The following FKBP15 variants were observed in gnomAD, a reference collection of about 807,000 sequenced individuals.
FKBP15 encodes the protein FK506-binding protein 15.
Under a neutral mutation model 158.1 loss-of-function variants are expected in FKBP15, and 106 were observed. That is an observed-to-expected ratio of 0.67 (90% CI 0.57 to 0.79). The LOEUF (loss-of-function observed/expected upper bound fraction) is 0.79, where lower values mean the gene tolerates loss of function less well. FKBP15 is among the 30% of genes least tolerant of loss of function. FKBP15 has a pLI of 0.00. For missense variants in FKBP15, 1,287 were observed against 1,479.1 expected, an observed-to-expected ratio of 0.87 and a Z score of 2.13; for synonymous variants, 547 against 548.6, an observed-to-expected ratio of 1.00 and a Z score of 0.04.
Position 113,199,671 on chromosome 9 carries a change from A to T in FKBP15, c.648+143T>A, listed in dbSNP as rs541746884. On this transcript the variant is annotated intron_variant, in intron 7 of 27. Transcript: ENST00000238256. ...CATTCACATTTCATAATATGCCCCC[A>T]AAGCAATTGCAGTGTCTAAAGTGGG... 6 of 810,998 alleles carry T rather than the reference A, an allele frequency of 7.4e-6. No homozygotes were observed. The East Asian group carries it at 1.7e-4, about 23-fold the overall frequency. 50.2% of individuals were successfully genotyped at this position (810,998 alleles called of 1,614,324 possible).
rs1179110695 is a variant in FKBP15 at position 113,173,692 on chromosome 9, G to T, written c.2380-87C>A. On this transcript the variant is annotated intron_variant, in intron 22 of 27. Transcript: ENST00000238256. ...CCTAGGGAAACCCATCTTTCAAAAA[G>T]CAAAAGAATAAGCTAACAGCCCAGA... 6 of 1,409,810 alleles carry T rather than the reference G, an allele frequency of 4.3e-6. No homozygotes were observed. The Admixed American group carries it at 1.2e-4, about 28-fold the overall frequency. The allele number at this position is 1,409,810 out of a possible 1,614,324, so 87.3% of individuals were successfully genotyped here.
At position 113,206,749 on chromosome 9, in the gene FKBP15, G is replaced by A. The variant is rs941369318; in HGVS notation, c.255-171C>T. On this transcript the variant is annotated intron_variant, in intron 3 of 27. Coordinates refer to ENST00000238256, the MANE Select transcript of FKBP15 (RefSeq NM_015258.2). Reference sequence around the variant, plus strand: ...TTTTTTTTTTTTGAGACAGAGTCTCGCTCTGTCACCAGGCTGGAGTGCAGT... The same window carrying A: ...TTTTTTTTTTTTGAGACAGAGTCTCACTCTGTCACCAGGCTGGAGTGCAGT... Among the ~76,000 whole-genome samples, 8 of 121,328 alleles carry A rather than the reference G, an allele frequency of 6.6e-5. No homozygotes were observed. The East Asian group carries it at 1.6e-3, about 24-fold the overall frequency. The allele number at this position is 121,328 out of a possible 152,430, so 79.6% of individuals were successfully genotyped here. A position where few individuals can be genotyped will look rare whatever the true frequency, so the allele number is the denominator to read the frequency against.
At chr9:113,173,658 T>C in intron 22 of FKBP15, 53 bp from the exon 23 acceptor site, 1 of 1,572,286 alleles carries the variant, frequency 6.4e-7, no homozygotes, top group Admixed American at 1.7e-5. Context: ...GGAGTGAGAT[T>C]CCATTGCACC....
chr9:113,187,874 G>C lies in FKBP15; in HGVS notation c.1302C>G (p.Leu434=). Residue 434 remains leucine (L), a synonymous_variant, in exon 14 of 28, where the codon CTC becomes CTG. Coordinates refer to ENST00000238256, the MANE Select transcript of FKBP15 (RefSeq NM_015258.2). ...GCATTAAGGCAGCAGAAGGTGCCTG[G>C]AGCCCAGTAACAGATGGCTGAGGTG... ...SQAPQPSVTG[L]QAPSAALMQV... is the part of the protein sequence containing the mutation. 1.2e-6 allele frequency: 2 copies of C among 1,613,848 alleles called. No homozygotes were observed. The highest frequency in any genetic ancestry group is 1.6e-4 in the Middle Eastern group (1 of 6,062).
chr9:113,187,869 G>T lies in FKBP15; in HGVS notation c.1307C>A (p.Ala436Glu), dbSNP rs377178302. 13 of 1,613,920 alleles carry T rather than the reference G, an allele frequency of 8.1e-6. No individual in the cohort carries two copies. The highest frequency in any genetic ancestry group is 1.1e-5 in the Non-Finnish European group (13 of 1,179,840). Residue 436 changes from alanine to glutamate, a missense_variant, in exon 14 of 28, where the codon GCA (alanine) becomes GAA (glutamate). Physicochemically the swap from Ala to Glu is moderately radical, Grantham distance 107. Transcript: ENST00000238256. ...APQPSVTGLQ[A>E]PSAALMQVSS... ...CACTTGCATTAAGGCAGCAGAAGGT[G>T]CCTGGAGCCCAGTAACAGATGGCTG... is the stretch of plus-strand genomic sequence containing the variant.
chr9:113,174,450 G>T lies in FKBP15; in HGVS notation c.2357C>A (p.Thr786Lys). 8.7e-6 allele frequency: 14 copies of T among 1,613,924 alleles called. No individual in the cohort carries two copies. Among genetic ancestry groups the T allele is most frequent in the Non-Finnish European group, 1.2e-5 (14 of 1,179,854 alleles). The change falls in exon 22 of 28, where the codon ACA becomes AAA. Residue 786 changes from threonine to lysine, a missense_variant. Transcript: ENST00000238256. Reference sequence around the variant, plus strand: ...TACCTGCTCTGCAGCTGCTTGGTCTGTGGACACTCGAGTCTTTTTCAAGAG... The same window carrying T: ...TACCTGCTCTGCAGCTGCTTGGTCTTTGGACACTCGAGTCTTTTTCAAGAG... ...RQLLKKTRVS[T>K]DQAAAEQLSL... is the part of the protein sequence containing the mutation.
intron 6 of FKBP15, among the ~76,000 whole-genome samples, chr9:113,200,537 T>C (rs1830769516): frequency 6.6e-6 from 1 of 152,154 alleles, no homozygotes; most frequent in African/African-American, 2.4e-5. Flanking sequence ...TTAGCACAAA[T>C]CTTAGACAAA....
intron 2 of FKBP15, among the ~76,000 whole-genome samples, chr9:113,211,210 C>T (rs1355567163): frequency 1.3e-5 from 2 of 151,938 alleles, no homozygotes; most frequent in Admixed American, 1.3e-4. Flanking sequence ...CGCTCTGTTG[C>T]CCAGGCTGGA....
chr9:113,194,169 C>T lies in FKBP15; in HGVS notation c.865G>A (p.Val289Met). Residue 289 changes from valine (V) to methionine (M), a missense_variant and splice_region_variant, in exon 10 of 28, where the codon GTG becomes ATG. Val to Met is a conservative substitution (Grantham distance 21, BLOSUM62 1). Coordinates refer to ENST00000238256, the MANE Select transcript of FKBP15 (RefSeq NM_015258.2). ...ILVFEVEVRR[V>M]KFARDSGSDG... ...GAGCCAGAATCTCTGGCAAACTTCA[C>T]CTAAGGAAACACCGCATATTCTCAC... is the stretch of plus-strand genomic sequence containing the variant. 3.1e-6 allele frequency: 5 copies of T among 1,604,098 alleles called. No individual in the cohort carries two copies. The highest frequency in any genetic ancestry group is 4.3e-6 in the Non-Finnish European group (5 of 1,174,386).
Position 113,201,449 on chromosome 9 carries a change from G to C in FKBP15, c.498+1082C>G, listed in dbSNP as rs542732232. ...AACAAATGTTATGGGCTGAATGTTT[G>C]TGTCCCCTCCGAATACTTACACTGA... On this transcript the variant is annotated intron_variant, in intron 6 of 27. Transcript: ENST00000238256. Among the ~76,000 whole-genome samples, 20 of 152,336 alleles carry C rather than the reference G, an allele frequency of 1.3e-4. No individual in the cohort carries two copies. The South Asian group carries it at 4.1e-3, about 32-fold the overall frequency.
rs1830029984 is a variant in FKBP15 at position 113,162,505 on chromosome 9, G to T, written c.*3573C>A. The T allele has an allele frequency of 1.1e-5, 4 of 369,706 alleles. No individual in the cohort carries two copies. The highest frequency in any genetic ancestry group is 2.2e-5 in the African/African-American group (1 of 45,670). 22.9% of individuals were successfully genotyped at this position (369,706 alleles called of 1,614,324 possible). On this transcript the variant is annotated 3_prime_UTR_variant, in exon 28 of 28. Transcript: ENST00000238256. ...TATAGATACCCTCATTTTCCCCTTT[G>T]CCTAGGATGCCAGGAAGCTTGAAAC...
intron 1 of FKBP15, among the ~76,000 whole-genome samples, chr9:113,220,107 G>C (rs1308384760): frequency 6.6e-6 from 1 of 152,192 alleles, no homozygotes; most frequent in African/African-American, 2.4e-5. Flanking sequence ...AGGCAGAACT[G>C]AGTATTTGTG....
chr9:113,218,375 AATT>A (rs1199840493), intron 1 of FKBP15, among the ~76,000 whole-genome samples: 1 of 78,972 alleles, frequency 1.3e-5, no homozygotes, highest in Non-Finnish European at 2.5e-5. Flanking sequence ...GAGTAAATAC[AATT>A]ATATATATAT....
chr9:113,170,164 T>C (rs916577294), intron 25 of FKBP15, among the ~76,000 whole-genome samples: 17 of 152,064 alleles, frequency 1.1e-4, no homozygotes, highest in African/African-American at 4.1e-4. Flanking sequence ...TGCTCTGTTA[T>C]CCAGGCTGGA....
intron 9 of FKBP15, 98 bp from the exon 10 acceptor site, chr9:113,194,267 CGGGT>C: frequency 1.3e-6 from 1 of 793,220 alleles, no homozygotes. Context: ...GGACTGTTGT[CGGGT>C]GGGGGTAGAG....
rs566410170 is a variant in FKBP15, at chr9:113,198,524, G to C, written c.717+331C>G. Among the ~76,000 whole-genome samples, 80 of 152,112 alleles carry C rather than the reference G, an allele frequency of 5.3e-4. No homozygotes were observed. Among genetic ancestry groups the C allele is most frequent in the Non-Finnish European group, 1.0e-3 (69 of 68,012 alleles). Reference sequence around the variant, plus strand: ...TCCCGGCACTTTGGGAGGCTGAGGCGGGTGGATCACCTGATGTCGGGAGTT... The same window carrying C: ...TCCCGGCACTTTGGGAGGCTGAGGCCGGTGGATCACCTGATGTCGGGAGTT... On this transcript the variant is annotated intron_variant, in intron 8 of 27. Transcript: ENST00000238256. The surrounding 1 kb of genome is among the most constrained non-coding windows in gnomAD (Gnocchi z 5.2).
In FKBP15 at chr9:113,198,577, A is replaced by T. The variant is rs944199856; in HGVS notation, c.717+278T>A. On this transcript the variant is annotated intron_variant, in intron 8 of 27. Coordinates refer to ENST00000238256, the MANE Select transcript of FKBP15 (RefSeq NM_015258.2). This position sits in a 1 kb window ranked among gnomAD's most constrained non-coding sequence, Gnocchi z 5.2. ...AGACCAGCCTGACCAACATGGAGAAACTCCATCTCCACTAAAAATACAAAA... is the reference window on the plus strand; with the variant it reads ...AGACCAGCCTGACCAACATGGAGAATCTCCATCTCCACTAAAAATACAAAA... 6.6e-6 allele frequency among the ~76,000 whole-genome samples: 1 copy of T among 152,026 alleles called. No individual in the cohort carries two copies. The highest frequency in any genetic ancestry group is 1.5e-5 in the Non-Finnish European group (1 of 67,996).
In FKBP15 at chr9:113,198,519, G is replaced by C. The variant is rs1830727889; in HGVS notation, c.717+336C>G. 6.6e-6 allele frequency among the ~76,000 whole-genome samples: 1 copy of C among 152,216 alleles called. No individual in the cohort carries two copies. The highest frequency in any genetic ancestry group is 2.4e-5 in the African/African-American group (1 of 41,468). ...TGTAATCCCGGCACTTTGGGAGGCT[G>C]AGGCGGGTGGATCACCTGATGTCGG... On this transcript the variant is annotated intron_variant, in intron 8 of 27. Transcript: ENST00000238256. The surrounding 1 kb of genome is among the most constrained non-coding windows in gnomAD (Gnocchi z 5.2).
In FKBP15 at chr9:113,161,826, CA is replaced by C; in HGVS notation, c.*4251del. 2 of 1,035,360 alleles carry C rather than the reference CA, an allele frequency of 1.9e-6. No individual in the cohort carries two copies. Among genetic ancestry groups the C allele is most frequent in the South Asian group, 2.7e-5 (2 of 75,368 alleles). The allele number at this position is 1,035,360 out of a possible 1,614,324, so 64.1% of individuals were successfully genotyped here. On this transcript the variant is annotated 3_prime_UTR_variant, in exon 28 of 28. Transcript: ENST00000238256. ...GGCCCAGGGAAGGACCAGGACTTGC[CA>C]AAGTGGCTACACATAGCCAAGTGAA...
Sources: gnomAD v4.1 joint callset for allele counts (sites outside exome capture counted in the v4.1 genomes callset) on GRCh38, gnomAD v4.1.1 for gene constraint, Gnocchi (gnomAD v3.1) non-coding constraint, MANE v1.5 for transcripts, NCBI Gene and HGNC (gene_info 2026-07-23, HGNC 2026-07-21) for gene names.